The following FAF1 variants were observed in gnomAD, a reference collection of about 807,000 sequenced individuals.
FAF1 encodes the protein FAS-associated factor 1.
A neutral mutation model predicts 92.5 loss-of-function variants in FAF1; 25 were observed. The ratio of observed to expected loss-of-function variants is 0.27; its 90% CI spans 0.20 to 0.38. The LOEUF (loss-of-function observed/expected upper bound fraction) is 0.38, where lower values mean the gene tolerates loss of function less well. Ranked by LOEUF, FAF1 falls within the 10% of genes least tolerant of loss-of-function variation. The pLI is 1.00. For synonymous variants in FAF1, 234 were observed against 273.2 expected, an observed-to-expected ratio of 0.86 and a Z score of 1.42; for missense variants, 636 against 793.3, an observed-to-expected ratio of 0.80 and a Z score of 2.38.
chr1:50,584,680 C>T lies in FAF1; in HGVS notation c.967+5G>A. 6.2e-7 allele frequency: 1 copy of T among 1,612,442 alleles called. No individual in the cohort carries two copies. The highest frequency in any genetic ancestry group is 8.5e-7 in the Non-Finnish European group (1 of 1,178,996). ...TGCTGGACCCAAAGAGCTATTAATA[C>T]TCACTCATTGGAGATTTTCTCAAGG... On this transcript the variant is annotated splice_donor_5th_base_variant and intron_variant, in intron 10 of 18. Coordinates refer to ENST00000396153, the MANE Select transcript of FAF1 (RefSeq NM_007051.3).
intron 15 of FAF1, among the ~76,000 whole-genome samples, chr1:50,524,640 G>C (rs1647697394): frequency 6.6e-6 from 1 of 152,158 alleles, no homozygotes; most frequent in African/African-American, 2.4e-5. Flanking sequence ...ATTGAATAGG[G>C]AGTCCTTAAC....
intron 17 of FAF1, among the ~76,000 whole-genome samples, chr1:50,477,516 T>C (rs906406635): frequency 6.6e-6 from 1 of 152,208 alleles, no homozygotes; most frequent in Non-Finnish European, 1.5e-5. Context: ...CTTTTGCCCT[T>C]TTTTCTGATA....
At chr1:50,521,075 A>G (rs72898980) in intron 15 of FAF1, among the ~76,000 whole-genome samples, 9,987 of 152,266 alleles carry the variant, frequency 0.066, 403 homozygotes, top group East Asian at 0.093. Flanking sequence ...TGTATATATC[A>G]TGTATAATCT....
At chr1:50,487,888 T>C (rs1041287449) in intron 17 of FAF1, among the ~76,000 whole-genome samples, 1 of 152,218 alleles carries the variant, frequency 6.6e-6, no homozygotes, top group Non-Finnish European at 1.5e-5. Context: ...TCAACCAGTT[T>C]GGTGACCATA....
At chr1:50,777,281 T>C (rs892511305) in intron 4 of FAF1, among the ~76,000 whole-genome samples, 3 of 150,458 alleles carry the variant, frequency 2.0e-5, no homozygotes, top group African/African-American at 4.9e-5. Context: ...TTGCCAAACA[T>C]GGTGGCGTGC....
At chr1:50,894,523 G>C (rs150407152) in intron 1 of FAF1, among the ~76,000 whole-genome samples, 1 of 151,570 alleles carries the variant, frequency 6.6e-6, no homozygotes, top group African/African-American at 2.4e-5. Context: ...TACTTAAGGC[G>C]CAAGAAAAAC....
At chr1:50,485,436 G>A (rs1432376685) in intron 17 of FAF1, among the ~76,000 whole-genome samples, 7 of 151,756 alleles carry the variant, frequency 4.6e-5, no homozygotes, top group Non-Finnish European at 8.8e-5. Context: ...GCCAAGGCAG[G>A]CAGATCAGGA....
At chr1:50,767,063 C>A (rs1165611769) in intron 4 of FAF1, among the ~76,000 whole-genome samples, 1 of 152,010 alleles carries the variant, frequency 6.6e-6, no homozygotes, top group East Asian at 1.9e-4. Context: ...ATAAAGGATT[C>A]TAAGGAATAC....
intron 7 of FAF1, among the ~76,000 whole-genome samples, chr1:50,676,394 T>A (rs1335225136): frequency 7.3e-6 from 1 of 137,782 alleles, no homozygotes; most frequent in African/African-American, 2.7e-5. Flanking sequence ...GCAACAAGAG[T>A]GAAACTCTGT....
chr1:50,736,282 T>TTTCTTG (rs1339332501), intron 6 of FAF1, among the ~76,000 whole-genome samples: 4 of 152,184 alleles, frequency 2.6e-5, no homozygotes, highest in African/African-American at 7.2e-5. Context: ...AGGTTACAAA[T>TTTCTTG]TACAAATAAG....
At chr1:50,599,887 T>C (rs1177033492) in intron 8 of FAF1, among the ~76,000 whole-genome samples, 1 of 152,188 alleles carries the variant, frequency 6.6e-6, no homozygotes, top group African/African-American at 2.4e-5. Context: ...AGAACTGTTT[T>C]GGGTTTTGGA....
In FAF1 at chr1:50,958,290, G is replaced by A. The variant is rs572408778; in HGVS notation, c.45+1477C>T. The stretch of plus-strand genomic sequence containing the variant: ...TTGGAGGTTATGGTTTAATCAAACT[G>A]TAGATATATGCATATTCCTAATACC... On this transcript the variant is annotated intron_variant, in intron 1 of 18. Coordinates refer to ENST00000396153, the MANE Select transcript of FAF1 (RefSeq NM_007051.3). Among the ~76,000 whole-genome samples the A allele has an allele frequency of 1.7e-4, 26 of 152,298 alleles. No homozygotes were observed. In the South Asian group the frequency reaches 5.2e-3, roughly 30 times the overall value.
chr1:50,529,480 C>G (rs1473858819), intron 15 of FAF1, among the ~76,000 whole-genome samples: 1 of 152,086 alleles, frequency 6.6e-6, no homozygotes, highest in Non-Finnish European at 1.5e-5. Context: ...ATCTTACATT[C>G]AAAATGTGAA....
At chr1:50,830,666 T>A (rs1644144801) in intron 2 of FAF1, among the ~76,000 whole-genome samples, 1 of 152,092 alleles carries the variant, frequency 6.6e-6, no homozygotes, top group South Asian at 2.1e-4. Context: ...CAATTTTTTT[T>A]TTTTTTTTAC....
At position 50,539,668 on chromosome 1, in the gene FAF1, T is replaced by C. The variant is rs769592127; in HGVS notation, c.1329A>G (p.Gln443=). 13 of 1,612,720 alleles carry C rather than the reference T, an allele frequency of 8.1e-6. No individual in the cohort carries two copies. The highest frequency in any genetic ancestry group is 1.0e-5 in the Non-Finnish European group (12 of 1,178,924). The change falls in exon 14 of 19, where the codon CAA becomes CAG. Residue 443 remains glutamine, a synonymous_variant. Transcript: ENST00000396153. ...GSVVAQTIRT[Q]KTDQFPLFLI... is the part of the protein sequence containing the mutation. ...GGAAAAGCGGAAACTGATCCGTTTT[T>C]TGAGTCCGAATGGTTTGTGCCACAA...
In FAF1 at chr1:50,732,071, T is replaced by C. The variant is rs553505674; in HGVS notation, c.551+6792A>G. 7.9e-5 allele frequency among the ~76,000 whole-genome samples: 12 copies of C among 151,562 alleles called. No individual in the cohort carries two copies. The South Asian group carries it at 2.5e-3, about 32-fold the overall frequency. ...GTATTGCTAAATACATTATTATTAT[T>C]ATTTATTTATTTATTTATTTTGAGA... On this transcript the variant is annotated intron_variant, in intron 6 of 18. Coordinates refer to ENST00000396153, the MANE Select transcript of FAF1 (RefSeq NM_007051.3).
At chr1:50,645,804 G>T (rs547546397) in intron 8 of FAF1, among the ~76,000 whole-genome samples, 25 of 151,678 alleles carry the variant, frequency 1.6e-4, no homozygotes, top group Non-Finnish European at 3.2e-4. Context: ...GTCCAGCCTG[G>T]GGGACAGAGT....
intron 1 of FAF1, among the ~76,000 whole-genome samples, chr1:50,933,396 G>A (rs1570157142): frequency 6.6e-6 from 1 of 152,102 alleles, no homozygotes; most frequent in East Asian, 1.9e-4. Flanking sequence ...TTAGGGCAGG[G>A]GCACAATGCC....
chr1:50,568,592 T>A (rs923332167), intron 12 of FAF1, among the ~76,000 whole-genome samples: 1 of 152,172 alleles, frequency 6.6e-6, no homozygotes, highest in African/African-American at 2.4e-5. Context: ...CATTATCTAC[T>A]TTAATTTCCA....
Sources: gnomAD v4.1 joint callset for allele counts (sites outside exome capture counted in the v4.1 genomes callset) on GRCh38, gnomAD v4.1.1 for gene constraint, MANE v1.5 for transcripts, NCBI Gene and HGNC (gene_info 2026-07-23, HGNC 2026-07-21) for gene names.